The following RBM20 variants were observed in gnomAD, a reference collection of about 807,000 sequenced individuals.
The protein encoded by RBM20 is RNA-binding protein 20.
Under a neutral mutation model 110.1 loss-of-function variants are expected in RBM20, and 51 were observed. The observed-to-expected ratio is 0.46, with a 90% CI of 0.37 to 0.59. The LOEUF (loss-of-function observed/expected upper bound fraction) is 0.59. Ranked by LOEUF, RBM20 falls within the 20% of genes least tolerant of loss-of-function variation. The pLI, the probability that RBM20 is intolerant of heterozygous loss-of-function variation, is 0.00. For synonymous variants in RBM20, 589 were observed against 618.2 expected (o/e 0.95, Z 0.70); for missense variants, 1,512 against 1,574.9 (o/e 0.96, Z 0.68).
chr10:110,752,019 C>T (rs1843860431), intron 1 of RBM20, among the ~76,000 whole-genome samples: 1 of 152,126 alleles, frequency 6.6e-6, no homozygotes. Flanking sequence ...ACTTTTGTTA[C>T]AATTGATGAC....
chr10:110,724,225 A>G (rs1843538620), intron 1 of RBM20, among the ~76,000 whole-genome samples: 1 of 152,194 alleles, frequency 6.6e-6, no homozygotes, highest in African/African-American at 2.4e-5. Flanking sequence ...CAAATGACCA[A>G]ACAAAACAAA....
chr10:110,752,943 ATATTTTTT>A (rs1362208224), intron 1 of RBM20, among the ~76,000 whole-genome samples: 3 of 95,032 alleles, frequency 3.2e-5, no homozygotes, highest in South Asian at 6.8e-4. Context: ...ATATATATAT[ATATTTTTT>A]TTTTTTTTAT....
At chr10:110,655,186 G>A (rs148615886) in intron 1 of RBM20, among the ~76,000 whole-genome samples, 3,520 of 152,190 alleles carry the variant, frequency 0.023, 44 homozygotes, top group Admixed American at 0.047. Context: ...AGAAAAAAAT[G>A]ACTAAAATAA....
intron 7 of RBM20, among the ~76,000 whole-genome samples, chr10:110,804,708 C>T (rs974115350): frequency 2.6e-5 from 4 of 152,150 alleles, no homozygotes; most frequent in Non-Finnish European, 5.9e-5. Flanking sequence ...TCCTGCAGAC[C>T]TGGACAAGAT....
At chr10:110,697,968 T>C (rs566629877) in intron 1 of RBM20, among the ~76,000 whole-genome samples, 1 of 150,968 alleles carries the variant, frequency 6.6e-6, no homozygotes, top group African/African-American at 2.4e-5. Flanking sequence ...AGTGCAGTGG[T>C]GCGATGTCGG....
At chr10:110,730,257 C>T (rs776375412) in intron 1 of RBM20, among the ~76,000 whole-genome samples, 5 of 152,232 alleles carry the variant, frequency 3.3e-5, no homozygotes, top group East Asian at 1.9e-4. Context: ...ATGGTTTCCT[C>T]GGACTTCTGT....
chr10:110,731,754 T>G (rs558034064), intron 1 of RBM20, among the ~76,000 whole-genome samples: 1 of 152,346 alleles, frequency 6.6e-6, no homozygotes, highest in South Asian at 2.1e-4. Context: ...AAAGCTGCAT[T>G]TTTTTGTCCA....
chr10:110,783,324 A>G lies in RBM20; in HGVS notation c.1276-42A>G, dbSNP rs770102376. The G allele has an allele frequency of 3.3e-5, 49 of 1,480,604 alleles. No homozygotes were observed. The South Asian group carries it at 4.1e-4, about 12-fold the overall frequency. 91.7% of individuals were successfully genotyped at this position (1,480,604 alleles called of 1,614,324 possible). ...GTGCTCATCCTTTGCCTTCCCATGG[A>G]CTCAGTTCTACTTTGGTCACTTTTC... On this transcript the variant is annotated intron_variant, in intron 2 of 13. Coordinates refer to ENST00000369519, the MANE Select transcript of RBM20 (RefSeq NM_001134363.3).
At chr10:110,768,037 G>C (rs577173176) in intron 1 of RBM20, among the ~76,000 whole-genome samples, 1 of 152,236 alleles carries the variant, frequency 6.6e-6, no homozygotes, top group Non-Finnish European at 1.5e-5. Context: ...AGACCAGCCC[G>C]GCCAACACAG....
chr10:110,715,477 C>T (rs1006866302), intron 1 of RBM20, among the ~76,000 whole-genome samples: 11 of 152,200 alleles, frequency 7.2e-5, no homozygotes, highest in African/African-American at 2.7e-4. Context: ...GTCAGTTTTC[C>T]TTTGCTGCAT....
At chr10:110,761,534 T>C (rs753464219) in intron 1 of RBM20, among the ~76,000 whole-genome samples, 4 of 152,242 alleles carry the variant, frequency 2.6e-5, no homozygotes, top group Non-Finnish European at 5.9e-5. Flanking sequence ...CAGTAACGGT[T>C]GAAGGTCACA....
Position 110,784,376 on chromosome 10 carries a change from G to A in RBM20, c.1373G>A (p.Gly458Glu). The A allele has an allele frequency of 1.9e-6, 3 of 1,551,350 alleles. No individual in the cohort carries two copies. Among genetic ancestry groups the A allele is most frequent in the South Asian group, 2.4e-5 (2 of 84,008 alleles). Residue 458 changes from glycine (G) to glutamate (E), a missense_variant, in exon 4 of 14, where the codon GGA (glycine) becomes GAA (glutamate). By Grantham distance (98) the Gly-to-Glu change is moderately conservative. Around this residue, in one of 3 missense-constraint regions of RBM20, gnomAD observed 1,149 missense variants for 1,169.4 expected, o/e 0.98. Coordinates refer to ENST00000369519, the MANE Select transcript of RBM20 (RefSeq NM_001134363.3). ...CGGTGTATACTTGGTTCGGCAGAGG[G>A]AACATTGTGTGCTTCTCCCAACAGC... ...GIRCILGSAE[G>E]TLCASPNSTA...
Position 110,698,345 on chromosome 10 carries a change from G to T in RBM20, c.191+53700G>T, listed in dbSNP as rs554225225. ...ACACACAGGAGGTGGGCTGGGAAGG[G>T]CAGGGGAGCACCGGAAAAAGAGGCT... On this transcript the variant is annotated intron_variant, in intron 1 of 13. Coordinates refer to ENST00000369519, the MANE Select transcript of RBM20 (RefSeq NM_001134363.3). 5.4e-4 allele frequency among the ~76,000 whole-genome samples: 83 copies of T among 152,328 alleles called. 1 individual carries two copies. The highest frequency in any genetic ancestry group is 1.8e-3 in the African/African-American group (76 of 41,566).
upstream of RBM20, among the ~76,000 whole-genome samples, chr10:110,643,476 G>C (rs1264890034): frequency 1.3e-5 from 2 of 152,226 alleles, no homozygotes; most frequent in African/African-American, 4.8e-5. Flanking sequence ...CGGGCGCCAG[G>C]GTAATTAACA....
At chr10:110,750,459 T>C (rs1233899498) in intron 1 of RBM20, among the ~76,000 whole-genome samples, 2 of 152,208 alleles carry the variant, frequency 1.3e-5, no homozygotes. Flanking sequence ...CTCTTCTCTC[T>C]GTGGGGCAGG....
chr10:110,714,095 A>G (rs1347924774), intron 1 of RBM20, among the ~76,000 whole-genome samples: 1 of 152,124 alleles, frequency 6.6e-6, no homozygotes, highest in Non-Finnish European at 1.5e-5. Context: ...GATTCTGAAG[A>G]TGGGCTATGG....
At chr10:110,719,411 T>G (rs1843479939) in intron 1 of RBM20, among the ~76,000 whole-genome samples, 1 of 152,266 alleles carries the variant, frequency 6.6e-6, no homozygotes, top group Non-Finnish European at 1.5e-5. Context: ...CATGTGATTG[T>G]GTGTCCTTCT....
At chr10:110,720,247 C>T (rs1160132491) in intron 1 of RBM20, among the ~76,000 whole-genome samples, 2 of 152,150 alleles carry the variant, frequency 1.3e-5, no homozygotes, top group African/African-American at 4.8e-5. Context: ...TGCTTCATTC[C>T]TAGTGGAGTC....
rs1296690244 is a variant in RBM20, at chr10:110,812,188, T to C, written c.1881-90T>C. On this transcript the variant is annotated intron_variant, in intron 8 of 13. Coordinates refer to ENST00000369519, the MANE Select transcript of RBM20 (RefSeq NM_001134363.3). Reference sequence around the variant, plus strand: ...AGTGTACACAGTTACATGCACAGTATATCTAAGACAGAGACTGTGTGTCTG... The same window carrying C: ...AGTGTACACAGTTACATGCACAGTACATCTAAGACAGAGACTGTGTGTCTG... 4 of 1,145,678 alleles carry C rather than the reference T, an allele frequency of 3.5e-6. No individual in the cohort carries two copies. The East Asian group carries it at 1.0e-4, about 30-fold the overall frequency. The allele number at this position is 1,145,678 out of a possible 1,614,324, so 71.0% of individuals were successfully genotyped here. A position where few individuals can be genotyped will look rare whatever the true frequency, so the allele number is the denominator to read the frequency against.
Sources: allele counts gnomAD v4.1 joint callset (sites outside exome capture counted in the v4.1 genomes callset), GRCh38; gene constraint gnomAD v4.1.1; regional missense constraint gnomAD v4.1.1; transcripts MANE v1.5; gene names NCBI Gene and HGNC (gene_info 2026-07-23, HGNC 2026-07-21).